The following SPPL2A variants were observed in gnomAD, a reference collection of about 807,000 sequenced individuals.
The protein encoded by SPPL2A is signal peptide peptidase-like 2A.
A neutral mutation model predicts 63.8 loss-of-function variants in SPPL2A; 51 were observed. The ratio of observed to expected loss-of-function variants is 0.80; its 90% CI spans 0.64 to 1.01. SPPL2A has a LOEUF of 1.01. Ranked by LOEUF, SPPL2A falls within the 50% of genes least tolerant of loss-of-function variation. SPPL2A has a pLI of 0.00. For missense variants in SPPL2A, 553 were observed against 622.7 expected (o/e 0.89, Z 1.19); for synonymous variants, 188 against 205.8 (o/e 0.91, Z 0.74).
chr15:50,753,506 A>T (rs886842650), intron 1 of SPPL2A, among the ~76,000 whole-genome samples: 11 of 152,240 alleles, frequency 7.2e-5, no homozygotes, highest in Non-Finnish European at 1.6e-4. Context: ...TGCTAGTTTC[A>T]TCATTTACTG....
intron 5 of SPPL2A, among the ~76,000 whole-genome samples, chr15:50,746,251 A>G (rs1312348996): frequency 6.6e-6 from 1 of 151,782 alleles, no homozygotes; most frequent in Non-Finnish European, 1.5e-5. Flanking sequence ...CATCCTGATC[A>G]ACATGGTGAA....
intron 1 of SPPL2A, among the ~76,000 whole-genome samples, chr15:50,762,042 C>T (rs981968947): frequency 6.6e-6 from 1 of 151,962 alleles, no homozygotes; most frequent in African/African-American, 2.4e-5. Flanking sequence ...GACCCAGGGT[C>T]GAGGTTGAAC....
rs1028397102 is a variant in SPPL2A at position 50,706,787 on chromosome 15, C to T, written c.*1013G>A. 2 of 151,282 alleles carry T rather than the reference C, an allele frequency of 1.3e-5. No homozygotes were observed. The highest frequency in any genetic ancestry group is 4.9e-5 in the African/African-American group (2 of 41,170). The allele number at this position is 151,282 out of a possible 1,614,324, so 9.4% of individuals were successfully genotyped here. Reference sequence around the variant, plus strand: ...ACCAAAGTGAAACTGAATGTTAGTACTGAAATTTAAGCTACATTTAAAAAA... The same window carrying T: ...ACCAAAGTGAAACTGAATGTTAGTATTGAAATTTAAGCTACATTTAAAAAA... On this transcript the variant is annotated 3_prime_UTR_variant, in exon 15 of 15. Transcript: ENST00000261854.
chr15:50,726,172 C>A, intron 11 of SPPL2A, 149 bp downstream of exon 11: 1 of 1,492,714 alleles, frequency 6.7e-7, no homozygotes, highest in Non-Finnish European at 9.1e-7. Context: ...TTTAGAATAA[C>A]TAAGAAAAGA....
At chr15:50,763,416 T>G (rs917960508) in intron 1 of SPPL2A, among the ~76,000 whole-genome samples, 2 of 152,196 alleles carry the variant, frequency 1.3e-5, no homozygotes, top group Non-Finnish European at 2.9e-5. Flanking sequence ...AAAAAGATCC[T>G]TACAATTTAA....
intron 12 of SPPL2A, among the ~76,000 whole-genome samples, chr15:50,723,198 A>G (rs2062661586): frequency 6.6e-6 from 1 of 152,218 alleles, no homozygotes; most frequent in South Asian, 2.1e-4. Context: ...AACCCTGTAC[A>G]TTGCTTATGG....
At chr15:50,739,325 C>G (rs543425765) in intron 6 of SPPL2A, among the ~76,000 whole-genome samples, 15 of 151,810 alleles carry the variant, frequency 9.9e-5, no homozygotes, top group Non-Finnish European at 1.5e-4. Context: ...ATTACAGGCA[C>G]GTGCCACCAC....
At chr15:50,745,774 G>A (rs1308864572) in intron 5 of SPPL2A, among the ~76,000 whole-genome samples, 1 of 152,016 alleles carries the variant, frequency 6.6e-6, no homozygotes, top group Non-Finnish European at 1.5e-5. Flanking sequence ...TTTTAGGCCG[G>A]GCACGGTAGC....
chr15:50,748,151 C>A lies in SPPL2A; in HGVS notation c.412G>T (p.Ala138Ser). ...CTAAAGTCTTTGTAGCTTATAAATGCAATCAGTATTTTCACATCAGGAAAT... is the reference window on the plus strand; with the variant it reads ...CTAAAGTCTTTGTAGCTTATAAATGAAATCAGTATTTTCACATCAGGAAAT... ...SEFPDVKILI[A>S]FISYKDFRDM... Residue 138 changes from alanine to serine, a missense_variant, in exon 4 of 15, where the codon GCA becomes TCA. Transcript: ENST00000261854. The A allele has an allele frequency of 6.6e-7, 1 of 1,509,980 alleles. No homozygotes were observed. Among genetic ancestry groups the A allele is most frequent in the Non-Finnish European group, 8.9e-7 (1 of 1,128,084 alleles). 93.5% of individuals were successfully genotyped at this position (1,509,980 alleles called of 1,614,324 possible). A position where few individuals can be genotyped will look rare whatever the true frequency, so the allele number is the denominator to read the frequency against.
chr15:50,761,823 T>C (rs1373917153), intron 1 of SPPL2A, among the ~76,000 whole-genome samples: 1 of 151,462 alleles, frequency 6.6e-6, no homozygotes. Context: ...GTAATCCTAC[T>C]CGGGAGACTG....
intron 2 of SPPL2A, 118 bp from the exon 3 acceptor site, chr15:50,748,988 G>C: frequency 1.8e-6 from 1 of 550,366 alleles, no homozygotes. Flanking sequence ...TTTTGAATTA[G>C]AAATATTTAG....
chr15:50,717,968 G>GTTTTTTTTTTTTT (rs57049574), intron 14 of SPPL2A, among the ~76,000 whole-genome samples: 1 of 91,650 alleles, frequency 1.1e-5, no homozygotes, highest in African/African-American at 4.5e-5. Flanking sequence ...TGTAACTTTC[G>GTTTTTTTTTTTTT]TTTTTTTTTT....
intron 5 of SPPL2A, among the ~76,000 whole-genome samples, chr15:50,740,203 C>T (rs1031344097): frequency 5.9e-5 from 9 of 151,330 alleles, no homozygotes; most frequent in South Asian, 2.1e-4. Flanking sequence ...CTGAGGCGGG[C>T]GGATCATGAG....
In SPPL2A at chr15:50,707,102, C is replaced by A. The variant is rs12911654; in HGVS notation, c.*698G>T. On this transcript the variant is annotated 3_prime_UTR_variant, in exon 15 of 15. Transcript: ENST00000261854. ...GCATGGTGTTAAACAGTTATTTCTA[C>A]AGAGCAGATATAATTTGCATAAATC... 6.6e-6 allele frequency: 1 copy of A among 152,130 alleles called. No individual in the cohort carries two copies. Among genetic ancestry groups the A allele is most frequent in the Admixed American group, 6.6e-5 (1 of 15,252 alleles). The allele number at this position is 152,130 out of a possible 1,614,324, so 9.4% of individuals were successfully genotyped here. A position where few individuals can be genotyped will look rare whatever the true frequency, so the allele number is the denominator to read the frequency against.
chr15:50,741,834 C>T (rs1373717629), intron 5 of SPPL2A, among the ~76,000 whole-genome samples: 3 of 151,798 alleles, frequency 2.0e-5, no homozygotes, highest in Non-Finnish European at 2.9e-5. Flanking sequence ...GGCATGGTGG[C>T]ACGTGCCTGT....
chr15:50,710,695 T>C (rs978911129), intron 14 of SPPL2A, among the ~76,000 whole-genome samples: 2 of 152,180 alleles, frequency 1.3e-5, no homozygotes, highest in Non-Finnish European at 2.9e-5. Context: ...AAAACACTCA[T>C]TAATGCAGGG....
chr15:50,727,670 T>C (rs114788110), intron 10 of SPPL2A, among the ~76,000 whole-genome samples: 2,573 of 152,302 alleles, frequency 0.017, 27 homozygotes, highest in African/African-American at 0.03. Flanking sequence ...GTGACCTGCC[T>C]TGCCAACTCA....
Position 50,747,588 on chromosome 15 carries a change from G to T in SPPL2A, c.491C>A (p.Ser164Ter), listed in dbSNP as rs770556274. 6.2e-7 allele frequency: 1 copy of T among 1,608,684 alleles called. No homozygotes were observed. The highest frequency in any genetic ancestry group is 8.5e-7 in the Non-Finnish European group (1 of 1,175,910). The change falls in exon 5 of 15, where the codon TCG (serine) becomes TAG (stop). Residue 164 changes from serine to a stop codon, truncating the protein, a stop_gained. Transcript: ENST00000261854. LOFTEE classifies it high-confidence loss of function. ...DNITVKMYSP[S>*]WPNFDYTMVV... ...CATAGTATAATCAAAGTTAGGCCAC[G>T]ATGGAGAATACATTTTCACAGTAAT...
At chr15:50,725,853 C>A in intron 11 of SPPL2A, 1 of 231,472 alleles carries the variant, frequency 4.3e-6, no homozygotes, top group Non-Finnish European at 8.7e-6. Flanking sequence ...GAAAAAAATG[C>A]TCAACACACA....
Sources: allele counts gnomAD v4.1 joint callset (sites outside exome capture counted in the v4.1 genomes callset), GRCh38; gene constraint gnomAD v4.1.1; transcripts MANE v1.5; gene names NCBI Gene and HGNC (gene_info 2026-07-23, HGNC 2026-07-21).